Variants in PLAC8 observed in about 807,000 individuals in gnomAD.
PLAC8 encodes the protein placenta-specific gene 8 protein.
In PLAC8, 6 loss-of-function variants were observed where a neutral mutation model predicts 12.6. That is an observed-to-expected ratio of 0.48 (90% CI 0.26 to 0.94). The LOEUF (loss-of-function observed/expected upper bound fraction) is 0.94. Ranked by LOEUF, PLAC8 falls within the 40% of genes least tolerant of loss-of-function variation. The pLI is 0.14. For synonymous variants in PLAC8, 54 were observed against 52.6 expected, an observed-to-expected ratio of 1.03 and a Z score of -0.11; for missense variants, 122 against 152.7, an observed-to-expected ratio of 0.80 and a Z score of 1.06.
chr4:83,100,959 T>C (rs1331673239), intron 3 of PLAC8, among the ~76,000 whole-genome samples: 2 of 152,174 alleles, frequency 1.3e-5, no homozygotes, highest in African/African-American at 2.4e-5. Context: ...ACCTTATTGC[T>C]AATCTGGAGA....
At chr4:83,103,326 C>T (rs1037656026) in intron 3 of PLAC8, among the ~76,000 whole-genome samples, 3 of 150,566 alleles carry the variant, frequency 2.0e-5, no homozygotes, top group African/African-American at 4.9e-5. Context: ...ACCTGGGAGG[C>T]GGAGGTTGCA....
intron 4 of PLAC8, 53 bp downstream of exon 4, chr4:83,094,625 G>A (rs1731882037): frequency 1.1e-6 from 1 of 904,594 alleles, no homozygotes; most frequent in Non-Finnish European, 1.8e-6. Flanking sequence ...AAAGTCTTTA[G>A]TGATATTTCT....
intron 1 of PLAC8, among the ~76,000 whole-genome samples, chr4:83,110,016 C>T (rs1320176148): frequency 2.6e-5 from 4 of 152,068 alleles, no homozygotes; most frequent in African/African-American, 9.7e-5. Flanking sequence ...GCTGGGGACT[C>T]GGCGTGAACC....
Position 83,090,818 on chromosome 4 carries a change from C to T in PLAC8, c.*163G>A, listed in dbSNP as rs1438060213. ...TGCACCATTTAGCTAAGTTCAGGGA[C>T]AACATTCATTTATAATAAATCAAAA... On this transcript the variant is annotated 3_prime_UTR_variant, in exon 5 of 5. Transcript: ENST00000311507. The T allele has an allele frequency of 1.3e-5, 2 of 152,038 alleles. No individual in the cohort carries two copies. The allele number at this position is 152,038 out of a possible 1,614,324, so 9.4% of individuals were successfully genotyped here.
At chr4:83,104,582 G>A (rs1053279531) in intron 3 of PLAC8, among the ~76,000 whole-genome samples, 1 of 152,192 alleles carries the variant, frequency 6.6e-6, no homozygotes, top group African/African-American at 2.4e-5. Context: ...CCACTTTACA[G>A]AGATGATGTG....
At position 83,107,963 on chromosome 4, in the gene PLAC8, A is replaced by G. The variant is rs933386430; in HGVS notation, c.-29-13T>C. On this transcript the variant is annotated splice_polypyrimidine_tract_variant and intron_variant, in intron 1 of 4. Transcript: ENST00000311507. Reference sequence around the variant, plus strand: ...TAAAAGCAGTGGACTGAAAAGGCAGAGTGGTGTTAGAAATCTCTGTTGTGG... The same window carrying G: ...TAAAAGCAGTGGACTGAAAAGGCAGGGTGGTGTTAGAAATCTCTGTTGTGG... The G allele has an allele frequency of 1.8e-5, 8 of 451,686 alleles. No homozygotes were observed. Among genetic ancestry groups the G allele is most frequent in the Non-Finnish European group, 2.7e-5 (8 of 298,134 alleles). 28.0% of individuals were successfully genotyped at this position (451,686 alleles called of 1,614,324 possible). A position where few individuals can be genotyped will look rare whatever the true frequency, so the allele number is the denominator to read the frequency against.
At chr4:83,114,275 A>G (rs929718246) in intron 1 of PLAC8, among the ~76,000 whole-genome samples, 1 of 152,210 alleles carries the variant, frequency 6.6e-6, no homozygotes, top group Admixed American at 6.5e-5. Context: ...AATGGATAAA[A>G]TAGAATATTT....
intron 3 of PLAC8, among the ~76,000 whole-genome samples, chr4:83,098,327 A>G (rs947641579): frequency 3.9e-5 from 6 of 152,260 alleles, no homozygotes; most frequent in Non-Finnish European, 7.3e-5. Flanking sequence ...AGGTTAAAAC[A>G]TTAAAATCAC....
chr4:83,110,026 C>A (rs1445039754), intron 1 of PLAC8, among the ~76,000 whole-genome samples: 1 of 152,014 alleles, frequency 6.6e-6, no homozygotes, highest in Non-Finnish European at 1.5e-5. Context: ...CGGCGTGAAC[C>A]GGGCAGCGGG....
At chr4:83,114,163 A>C (rs76074872) in intron 1 of PLAC8, among the ~76,000 whole-genome samples, 4,831 of 152,164 alleles carry the variant, frequency 0.032, 247 homozygotes, top group African/African-American at 0.1. Context: ...AATTTTGAAG[A>C]ATTCTAGTCT....
intron 4 of PLAC8, chr4:83,093,201 G>C (rs1731848615): frequency 6.6e-6 from 1 of 152,280 alleles, no homozygotes; most frequent in African/African-American, 2.4e-5. Context: ...CCTGGGAAGC[G>C]ACCTGCGGAC....
At chr4:83,097,337 CAG>C (rs1287732712) in intron 3 of PLAC8, among the ~76,000 whole-genome samples, 3 of 151,914 alleles carry the variant, frequency 2.0e-5, no homozygotes, top group African/African-American at 4.8e-5. Context: ...AATATTTTGT[CAG>C]AAAAATAGAA....
intron 2 of PLAC8, among the ~76,000 whole-genome samples, chr4:83,105,910 A>G (rs1732223196): frequency 6.6e-6 from 1 of 152,212 alleles, no homozygotes; most frequent in African/African-American, 2.4e-5. Flanking sequence ...ACCCCAGACA[A>G]TGAGAGTGAA....
At chr4:83,110,025 C>T (rs1299382863) in intron 1 of PLAC8, among the ~76,000 whole-genome samples, 1 of 152,074 alleles carries the variant, frequency 6.6e-6, no homozygotes, top group Non-Finnish European at 1.5e-5. Context: ...TCGGCGTGAA[C>T]CGGGCAGCGG....
chr4:83,095,825 G>A (rs1313158279), intron 3 of PLAC8, among the ~76,000 whole-genome samples: 1 of 152,098 alleles, frequency 6.6e-6, no homozygotes, highest in Non-Finnish European at 1.5e-5. Flanking sequence ...TTCGTTTCAG[G>A]GTTTTGATAA....
intron 2 of PLAC8, among the ~76,000 whole-genome samples, chr4:83,106,627 A>C (rs1394994090): frequency 6.6e-6 from 1 of 152,006 alleles, no homozygotes; most frequent in Non-Finnish European, 1.5e-5. Flanking sequence ...CAAAAAAAAC[A>C]AAAAACAAAA....
rs1356458192 is a variant in PLAC8, at chr4:83,090,458, G to A, written c.*523C>T. Reference sequence around the variant, plus strand: ...CAGCAGAATCGCTTGTATCCAGGAGGTGGAGGTTGCAGTGAGCTGAGATCA... The same window carrying A: ...CAGCAGAATCGCTTGTATCCAGGAGATGGAGGTTGCAGTGAGCTGAGATCA... On this transcript the variant is annotated 3_prime_UTR_variant, in exon 5 of 5. Transcript: ENST00000311507. 6 of 149,126 alleles carry A rather than the reference G, an allele frequency of 4.0e-5. No homozygotes were observed. The East Asian group carries it at 1.2e-3, about 30-fold the overall frequency. 9.2% of individuals were successfully genotyped at this position (149,126 alleles called of 1,614,324 possible). A position where few individuals can be genotyped will look rare whatever the true frequency, so the allele number is the denominator to read the frequency against.
intron 4 of PLAC8, among the ~76,000 whole-genome samples, chr4:83,091,537 G>A (rs1238012853): frequency 2.0e-5 from 3 of 152,180 alleles, no homozygotes; most frequent in Admixed American, 6.5e-5. Flanking sequence ...TACCAATGAT[G>A]GTGACGTTGA....
At chr4:83,091,044 G>C (rs1486437022) in intron 4 of PLAC8, 73 bp from the exon 5 acceptor site, 1 of 152,158 alleles carries the variant, frequency 6.6e-6, no homozygotes, top group African/African-American at 2.4e-5. Context: ...TTTAATTGCA[G>C]AATCATTTTT....
Sources: allele counts gnomAD v4.1 joint callset (sites outside exome capture counted in the v4.1 genomes callset), GRCh38; gene constraint gnomAD v4.1.1; transcripts MANE v1.5; gene names NCBI Gene and HGNC (gene_info 2026-07-23, HGNC 2026-07-21).